DNAJC13: variants seen among roughly 807,000 people sequenced by gnomAD.
The protein encoded by DNAJC13 is dnaJ homolog subfamily C member 13.
A neutral mutation model predicts 290.5 loss-of-function variants in DNAJC13; 75 were observed. That is an observed-to-expected ratio of 0.26 (90% CI 0.21 to 0.31). The LOEUF (loss-of-function observed/expected upper bound fraction) is 0.31. Ranked by LOEUF, DNAJC13 falls within the 10% of genes least tolerant of loss-of-function variation. The probability of loss-of-function intolerance (pLI) is 1.00; values close to 1 mark genes in which losing one functional copy is unlikely to be tolerated. For missense variants in DNAJC13, 2,260 were observed against 2,674.5 expected (o/e 0.85, Z 3.42); for synonymous variants, 862 against 892.0 (o/e 0.97, Z 0.60).
At chr3:132,459,124 G>C (rs1448644050) in intron 13 of DNAJC13, among the ~76,000 whole-genome samples, 1 of 152,166 alleles carries the variant, frequency 6.6e-6, no homozygotes, top group Non-Finnish European at 1.5e-5. Context: ...TTGTAGAGAA[G>C]GACTTAAGGC....
At chr3:132,460,381 T>A (rs543828191) in intron 14 of DNAJC13, 24 bp downstream of exon 14, 123 of 1,490,296 alleles carry the variant, frequency 8.3e-5, no homozygotes, top group Admixed American at 3.9e-4. Flanking sequence ...AAATTTGTCT[T>A]CATGGTAGAT....
In DNAJC13 at chr3:132,458,556, T is replaced by C. The variant is rs185249256; in HGVS notation, c.1449+1188T>C. Reference sequence around the variant, plus strand: ...TGTCAGGAACCAGGGTAAAAGACTGTTGCAACAAAAGATTCTGCTAGTGCC... The same window carrying C: ...TGTCAGGAACCAGGGTAAAAGACTGCTGCAACAAAAGATTCTGCTAGTGCC... On this transcript the variant is annotated intron_variant, in intron 13 of 55. Coordinates refer to ENST00000260818, the MANE Select transcript of DNAJC13 (RefSeq NM_015268.4). 1.6e-4 allele frequency among the ~76,000 whole-genome samples: 24 copies of C among 152,248 alleles called. No individual in the cohort carries two copies. In the East Asian group the frequency reaches 4.2e-3, roughly 27 times the overall value.
chr3:132,435,513 AT>A, intron 2 of DNAJC13, among the ~76,000 whole-genome samples: 1 of 152,336 alleles, frequency 6.6e-6, no homozygotes, highest in South Asian at 2.1e-4. Flanking sequence ...TCTGGTTTGC[AT>A]TAGCAAACTG....
chr3:132,498,898 A>G (rs1351132230), intron 36 of DNAJC13, among the ~76,000 whole-genome samples: 2 of 151,784 alleles, frequency 1.3e-5, no homozygotes, highest in Non-Finnish European at 2.9e-5. Flanking sequence ...TTGTGTTTTT[A>G]GTAGAGAAAG....
intron 55 of DNAJC13, among the ~76,000 whole-genome samples, chr3:132,535,692 T>C (rs1418074469): frequency 1.3e-5 from 2 of 152,174 alleles, no homozygotes; most frequent in Non-Finnish European, 2.9e-5. Context: ...CAATTCAGTT[T>C]TGTGGGATTC....
intron 25 of DNAJC13, among the ~76,000 whole-genome samples, chr3:132,479,710 A>T (rs189843381): frequency 6.6e-6 from 1 of 152,018 alleles, no homozygotes; most frequent in Non-Finnish European, 1.5e-5. Context: ...TAGTCATTTT[A>T]CTCTGTATTT....
rs138995513 is a variant in DNAJC13, at chr3:132,538,218, C to T, written c.6668C>T (p.Ser2223Leu). 5 of 1,613,946 alleles carry T rather than the reference C, an allele frequency of 3.1e-6. No individual in the cohort carries two copies. In the African/African-American group the frequency reaches 6.7e-5, roughly 22 times the overall value. The change falls in exon 56 of 56, where the codon TCA becomes TTA. Residue 2223 changes from serine (S) to leucine (L), a missense_variant. This residue lies in a region of DNAJC13 where 1,494 missense variants were observed against 1,693.7 expected (regional missense o/e 0.88). Transcript: ENST00000260818. ...AGYLTAGTST[S>L]VMSNLPPPVD... is the part of the protein sequence containing the mutation. Reference sequence around the variant, plus strand: ...TACCTTACCGCAGGTACATCTACATCAGTCATGTCTAACCTGCCACCTCCT... The same window carrying T: ...TACCTTACCGCAGGTACATCTACATTAGTCATGTCTAACCTGCCACCTCCT...
intron 2 of DNAJC13, among the ~76,000 whole-genome samples, 156 bp from the exon 3 acceptor site, chr3:132,446,319 T>C (rs575517331): frequency 6.6e-6 from 1 of 152,174 alleles, no homozygotes; most frequent in African/African-American, 2.4e-5. Flanking sequence ...TTAGAATGTT[T>C]AAAAAGGTGA....
intron 9 of DNAJC13, among the ~76,000 whole-genome samples, chr3:132,455,843 C>T (rs1933580230): frequency 6.6e-6 from 1 of 152,006 alleles, no homozygotes; most frequent in African/African-American, 2.4e-5. Context: ...TGCAAATGGG[C>T]ACAAGGAAAT....
rs377272621 is a variant in DNAJC13, at chr3:132,496,510, A to G, written c.4021-18A>G. The G allele has an allele frequency of 3.2e-5, 50 of 1,556,934 alleles. No individual in the cohort carries two copies. The highest frequency in any genetic ancestry group is 1.9e-4 in the Middle Eastern group (1 of 5,174). On this transcript the variant is annotated intron_variant, in intron 35 of 55. Coordinates refer to ENST00000260818, the MANE Select transcript of DNAJC13 (RefSeq NM_015268.4). ...CGACATTCCAAATTAACGTTAAATT[A>G]TCTTCTGTTACATACAGGACATGTT...
At chr3:132,476,151 T>A (rs1451828797) in intron 22 of DNAJC13, among the ~76,000 whole-genome samples, 1 of 152,100 alleles carries the variant, frequency 6.6e-6, no homozygotes, top group Non-Finnish European at 1.5e-5. Context: ...CCAGTCTGGC[T>A]TTTTATTTGC....
Position 132,533,232 on chromosome 3 carries a change from T to C in DNAJC13, c.6625+2135T>C, listed in dbSNP as rs1429944843. Among the ~76,000 whole-genome samples, 8 of 150,186 alleles carry C rather than the reference T, an allele frequency of 5.3e-5. No individual in the cohort carries two copies. The East Asian group carries it at 1.6e-3, about 29-fold the overall frequency. ...CACCATGCCCAGCTAATTTTTGTAT[T>C]TTTAGTAGAGGCTGGTCTCAAACTC... On this transcript the variant is annotated intron_variant, in intron 55 of 55. Transcript: ENST00000260818.
intron 1 of DNAJC13, among the ~76,000 whole-genome samples, chr3:132,417,973 C>A (rs776999276): frequency 7.2e-5 from 11 of 152,132 alleles, no homozygotes; most frequent in Non-Finnish European, 1.0e-4. Context: ...TAGCTCAGGG[C>A]GCTGCCCTGT....
intron 31 of DNAJC13, among the ~76,000 whole-genome samples, chr3:132,489,499 A>C (rs1187085509): frequency 6.6e-6 from 1 of 152,092 alleles, no homozygotes; most frequent in Admixed American, 6.6e-5. Flanking sequence ...AAAAAAAAAA[A>C]AACTTATTTA....
chr3:132,472,669 C>A, intron 20 of DNAJC13: 1 of 859,684 alleles, frequency 1.2e-6, no homozygotes, highest in Non-Finnish European at 1.4e-6. Flanking sequence ...CAAGTCTTAA[C>A]TTCACATGTG....
intron 55 of DNAJC13, among the ~76,000 whole-genome samples, chr3:132,534,598 C>T (rs1260308309): frequency 2.0e-5 from 3 of 152,178 alleles, no homozygotes; most frequent in African/African-American, 7.2e-5. Context: ...GTGAGCTGAG[C>T]TCTCACCACC....
chr3:132,432,354 C>T (rs796273266), intron 1 of DNAJC13, among the ~76,000 whole-genome samples: 56 of 152,196 alleles, frequency 3.7e-4, no homozygotes, highest in African/African-American at 1.3e-3. Context: ...AGGCGTCTGC[C>T]ACCACGCCCG....
At chr3:132,507,438 A>C in intron 43 of DNAJC13, 85 bp downstream of exon 43, 1 of 794,414 alleles carries the variant, frequency 1.3e-6, no homozygotes. Context: ...TTATAGAGGC[A>C]CACTTCATTT....
chr3:132,479,073 T>C (rs1934570298), intron 24 of DNAJC13, among the ~76,000 whole-genome samples, 154 bp from the exon 25 acceptor site: 1 of 152,218 alleles, frequency 6.6e-6, no homozygotes, highest in Non-Finnish European at 1.5e-5. Context: ...CATTAAGGAA[T>C]TGCAATAATT....
Sources: gnomAD v4.1 joint callset for allele counts (sites outside exome capture counted in the v4.1 genomes callset) on GRCh38, gnomAD v4.1.1 for gene constraint, gnomAD v4.1.1 regional missense constraint, MANE v1.5 for transcripts, NCBI Gene and HGNC (gene_info 2026-07-23, HGNC 2026-07-21) for gene names.